The following TOPBP1 variants were observed in gnomAD, a reference collection of about 807,000 sequenced individuals.
TOPBP1 encodes DNA topoisomerase 2-binding protein 1.
Under a neutral mutation model 167.7 loss-of-function variants are expected in TOPBP1, and 28 were observed. The ratio of observed to expected loss-of-function variants is 0.17; its 90% CI spans 0.12 to 0.23. TOPBP1 has a LOEUF of 0.23. TOPBP1 is among the 10% of genes least tolerant of loss of function. The pLI is 1.00. For missense variants in TOPBP1, 1,554 were observed against 1,809.6 expected (o/e 0.86, Z 2.56); for synonymous variants, 598 against 611.4 (o/e 0.98, Z 0.32).
chr3:133,646,254 A>T (rs1936070753), intron 10 of TOPBP1, among the ~76,000 whole-genome samples: 1 of 152,236 alleles, frequency 6.6e-6, no homozygotes, highest in South Asian at 2.1e-4. Context: ...AAGATTTACC[A>T]TCACTTAATC....
intron 27 of TOPBP1, among the ~76,000 whole-genome samples, chr3:133,605,320 G>A (rs1404625391): frequency 6.7e-6 from 1 of 148,876 alleles, no homozygotes; most frequent in Admixed American, 6.7e-5. Context: ...CCAGCAAAAC[G>A]CTAATACCAA....
intron 14 of TOPBP1, among the ~76,000 whole-genome samples, chr3:133,630,952 T>G (rs1193611464): frequency 6.6e-6 from 1 of 152,182 alleles, no homozygotes; most frequent in African/African-American, 2.4e-5. Flanking sequence ...TCCAACACTT[T>G]GGGAGGCCAA....
At chr3:133,635,690 G>A (rs1394298392) in intron 14 of TOPBP1, among the ~76,000 whole-genome samples, 7 of 152,194 alleles carry the variant, frequency 4.6e-5, no homozygotes, top group African/African-American at 1.7e-4. Flanking sequence ...CACTACTGGT[G>A]GAAGCATGAA....
chr3:133,613,347 T>C (rs559974982), intron 23 of TOPBP1, among the ~76,000 whole-genome samples: 84 of 152,352 alleles, frequency 5.5e-4, no homozygotes, highest in African/African-American at 1.9e-3. Context: ...CCTGTTTGTC[T>C]TCACTTGGAT....
intron 8 of TOPBP1, among the ~76,000 whole-genome samples, chr3:133,651,765 C>G (rs763823984): frequency 3.9e-5 from 6 of 152,170 alleles, no homozygotes; most frequent in Non-Finnish European, 5.9e-5. Flanking sequence ...TAATGTCTCT[C>G]TGTGTGACTC....
chr3:133,609,365 A>G (rs937903179), intron 25 of TOPBP1, among the ~76,000 whole-genome samples: 2 of 152,226 alleles, frequency 1.3e-5, no homozygotes, highest in African/African-American at 2.4e-5. Flanking sequence ...AGGGAATAAC[A>G]ACTAACAAAA....
At chr3:133,632,230 C>T (rs774217776) in intron 14 of TOPBP1, among the ~76,000 whole-genome samples, 2 of 151,640 alleles carry the variant, frequency 1.3e-5, no homozygotes, top group Non-Finnish European at 2.9e-5. Context: ...CACAGTGAAA[C>T]CCCGTCTCTA....
At chr3:133,642,066 T>G (rs1363861769) in intron 12 of TOPBP1, among the ~76,000 whole-genome samples, 1 of 152,148 alleles carries the variant, frequency 6.6e-6, no homozygotes, top group African/African-American at 2.4e-5. Flanking sequence ...CATAGCTCAC[T>G]GCAGCCCTGG....
chr3:133,632,998 C>G (rs962735113), intron 14 of TOPBP1, among the ~76,000 whole-genome samples: 1 of 152,164 alleles, frequency 6.6e-6, no homozygotes, highest in Non-Finnish European at 1.5e-5. Context: ...GTCTTGAAAT[C>G]CTGGACTCAA....
Position 133,610,994 on chromosome 3 carries a change from G to C in TOPBP1, c.4173+10C>G, listed in dbSNP as rs746529224. The C allele has an allele frequency of 6.2e-7, 1 of 1,609,018 alleles. No homozygotes were observed. Among genetic ancestry groups the C allele is most frequent in the African/African-American group, 1.3e-5 (1 of 74,758 alleles). ...CTATTTGTATTACCTATATAATTGT[G>C]TTTTAATACCTCAACAATGCCAGAT... On this transcript the variant is annotated intron_variant, in intron 25 of 27. Transcript: ENST00000260810.
chr3:133,656,975 A>G, intron 4 of TOPBP1, 118 bp from the exon 5 acceptor site: 1 of 918,868 alleles, frequency 1.1e-6, no homozygotes, highest in Non-Finnish European at 1.5e-6. Flanking sequence ...GTGTTACATA[A>G]CATTATAAAG....
In TOPBP1 at chr3:133,608,668, A is replaced by T; in HGVS notation, c.4292T>A (p.Phe1431Tyr). ...AGAAAAAAGATGTGTGGCCTCTTTA[A>T]ATAAAGGTACAGAATGACCAGGTAG... Reference protein sequence around the residue: ...KVLPGHSVPLFKEATHLFSDL... With the variant: ...KVLPGHSVPLYKEATHLFSDL... Residue 1431 changes from phenylalanine (F) to tyrosine (Y), a missense_variant, in exon 27 of 28, where the codon TTT becomes TAT. By Grantham distance (22) the Phe-to-Tyr change is conservative (BLOSUM62 3). Around this residue, in one of 3 missense-constraint regions of TOPBP1, gnomAD observed 351 missense variants for 432.9 expected, o/e 0.81. Coordinates refer to ENST00000260810, the MANE Select transcript of TOPBP1 (RefSeq NM_007027.4). The T allele has an allele frequency of 6.2e-7, 1 of 1,613,576 alleles. No individual in the cohort carries two copies. The highest frequency in any genetic ancestry group is 1.3e-5 in the African/African-American group (1 of 75,050).
intron 19 of TOPBP1, among the ~76,000 whole-genome samples, chr3:133,621,162 T>C (rs1176159938): frequency 2.6e-5 from 4 of 152,040 alleles, no homozygotes; most frequent in Non-Finnish European, 4.4e-5. Flanking sequence ...CAGGTGTACA[T>C]TACCACGCCC....
At chr3:133,640,248 C>T in intron 12 of TOPBP1, 78 bp from the exon 13 acceptor site, 1 of 1,243,336 alleles carries the variant, frequency 8.0e-7, no homozygotes, top group Non-Finnish European at 1.1e-6. Flanking sequence ...TCCAACACAA[C>T]AGTGTGGTTA....
chr3:133,649,955 A>AAAAT lies in TOPBP1; in HGVS notation c.1090-16_1090-13dup. On this transcript the variant is annotated splice_polypyrimidine_tract_variant and intron_variant, in intron 8 of 27. Coordinates refer to ENST00000260810, the MANE Select transcript of TOPBP1 (RefSeq NM_007027.4). Reference sequence around the variant, plus strand: ...CCGCAAAGATATATCTGCAAGAAAGAAAATATTTAATATACATAACATGCT... The same window carrying AAAAT: ...CCGCAAAGATATATCTGCAAGAAAGAAAATAAATATTTAATATACATAACATGCT... The AAAAT allele has an allele frequency of 4.5e-6, 7 of 1,550,876 alleles. No homozygotes were observed. The highest frequency in any genetic ancestry group is 6.1e-6 in the Non-Finnish European group (7 of 1,154,058).
At chr3:133,649,677 G>A in intron 9 of TOPBP1, 44 bp from the exon 10 acceptor site, 4 of 1,602,120 alleles carry the variant, frequency 2.5e-6, no homozygotes, top group Non-Finnish European at 3.4e-6. Context: ...AAGCTATAAA[G>A]ACCATCATCC....
At chr3:133,631,536 C>T (rs1935480464) in intron 14 of TOPBP1, among the ~76,000 whole-genome samples, 1 of 152,146 alleles carries the variant, frequency 6.6e-6, no homozygotes, top group African/African-American at 2.4e-5. Context: ...TGTCCCCACT[C>T]AAATCTCATG....
At chr3:133,608,441 A>G in intron 27 of TOPBP1, 94 bp downstream of exon 27, 1 of 1,374,198 alleles carries the variant, frequency 7.3e-7, no homozygotes, top group Non-Finnish European at 1.0e-6. Flanking sequence ...ATCTTCTACT[A>G]ATCATGAGCT....
At chr3:133,603,508 A>G (rs1934380710) in intron 27 of TOPBP1, among the ~76,000 whole-genome samples, 1 of 152,252 alleles carries the variant, frequency 6.6e-6, no homozygotes, top group Non-Finnish European at 1.5e-5. Context: ...CAAGTTTAAA[A>G]TTAAAAACCA....
Sources: gnomAD v4.1 joint callset for allele counts (sites outside exome capture counted in the v4.1 genomes callset) on GRCh38, gnomAD v4.1.1 for gene constraint, gnomAD v4.1.1 regional missense constraint, MANE v1.5 for transcripts, NCBI Gene and HGNC (gene_info 2026-07-23, HGNC 2026-07-21) for gene names.